The following PCP4L1 variants were observed in gnomAD, a reference collection of about 807,000 sequenced individuals.
PCP4L1 encodes Purkinje cell protein 4-like protein 1.
In PCP4L1, 9 loss-of-function variants were observed where a neutral mutation model predicts 9.6. That is an observed-to-expected ratio of 0.94 (90% CI 0.57 to 1.64). PCP4L1 has a LOEUF of 1.64. PCP4L1 is among the 40% of genes most tolerant of loss of function. The pLI is 0.00. For synonymous variants in PCP4L1, 31 were observed against 28.2 expected, an observed-to-expected ratio of 1.10 and a Z score of -0.31; for missense variants, 81 against 80.8, an observed-to-expected ratio of 1.00 and a Z score of -0.01.
intron 1 of PCP4L1, among the ~76,000 whole-genome samples, chr1:161,263,899 C>CT (rs1160429112): frequency 0.013 from 923 of 70,788 alleles, 85 homozygotes; most frequent in Non-Finnish European, 0.015. Flanking sequence ...ACTTTCTTTC[C>CT]TTTTTTTTTT....
chr1:161,259,204 G>C (rs971317454), intron 1 of PCP4L1, among the ~76,000 whole-genome samples: 4 of 152,140 alleles, frequency 2.6e-5, no homozygotes, highest in African/African-American at 7.2e-5. Context: ...GGCGCTTTTG[G>C]GGGTAATTGG....
At chr1:161,266,076 G>T (rs1669525182) in intron 1 of PCP4L1, among the ~76,000 whole-genome samples, 1 of 152,008 alleles carries the variant, frequency 6.6e-6, no homozygotes, top group South Asian at 2.1e-4. Context: ...ATCCCTGAAA[G>T]GTGCCCATAA....
At chr1:161,273,107 G>A (rs1217030786) in intron 1 of PCP4L1, among the ~76,000 whole-genome samples, 1 of 152,160 alleles carries the variant, frequency 6.6e-6, no homozygotes, top group Non-Finnish European at 1.5e-5. Context: ...AGCTGCAGAG[G>A]AAACAAAAGA....
chr1:161,265,075 C>T (rs1669507001), intron 1 of PCP4L1, among the ~76,000 whole-genome samples: 1 of 152,126 alleles, frequency 6.6e-6, no homozygotes, highest in Admixed American at 6.5e-5. Flanking sequence ...GCCCTCTTTT[C>T]ATGAGTTCTT....
chr1:161,277,927 C>T (rs1230173247), intron 1 of PCP4L1, among the ~76,000 whole-genome samples: 2 of 152,236 alleles, frequency 1.3e-5, no homozygotes, highest in Non-Finnish European at 2.9e-5. Flanking sequence ...ACGTCTGCCA[C>T]CTTTCCTGCA....
chr1:161,279,023 T>C (rs999704915), intron 1 of PCP4L1, among the ~76,000 whole-genome samples: 3 of 152,154 alleles, frequency 2.0e-5, no homozygotes, highest in African/African-American at 7.2e-5. Context: ...ACTCAAGCAA[T>C]CCGCCCACCT....
chr1:161,282,048 G>T (rs1669826671), intron 1 of PCP4L1, among the ~76,000 whole-genome samples: 1 of 152,194 alleles, frequency 6.6e-6, no homozygotes, highest in Non-Finnish European at 1.5e-5. Flanking sequence ...CTGGGAGATG[G>T]AGGTTGTAGC....
At chr1:161,262,911 A>T (rs1183503022) in intron 1 of PCP4L1, among the ~76,000 whole-genome samples, 2 of 152,200 alleles carry the variant, frequency 1.3e-5, no homozygotes, top group Non-Finnish European at 2.9e-5. Context: ...TCATGAGTCT[A>T]TTTTATCATA....
At chr1:161,270,650 G>A (rs1669609333) in intron 1 of PCP4L1, among the ~76,000 whole-genome samples, 1 of 151,514 alleles carries the variant, frequency 6.6e-6, no homozygotes, top group Admixed American at 6.6e-5. Context: ...TAGGCGGGAG[G>A]ATCACAAGGT....
chr1:161,264,466 G>A (rs1019714425), intron 1 of PCP4L1, among the ~76,000 whole-genome samples: 14 of 152,010 alleles, frequency 9.2e-5, no homozygotes, highest in Non-Finnish European at 1.6e-4. Flanking sequence ...GCAGTGAGCC[G>A]AGATAGCACC....
chr1:161,261,436 G>A (rs993339019), intron 1 of PCP4L1, among the ~76,000 whole-genome samples: 6 of 152,170 alleles, frequency 3.9e-5, no homozygotes, highest in African/African-American at 1.4e-4. Flanking sequence ...GTGCACGAAG[G>A]AGCTGCAGGG....
intron 1 of PCP4L1, among the ~76,000 whole-genome samples, chr1:161,281,939 ACGATGGGCGGC>A (rs1320845206): frequency 6.6e-5 from 10 of 151,558 alleles, no homozygotes; most frequent in African/African-American, 2.4e-4. Context: ...CACATCCCAG[ACGATGGGCGGC>A]CAGGCAGAGA....
intron 1 of PCP4L1, among the ~76,000 whole-genome samples, chr1:161,276,836 AC>A (rs1037006288): frequency 3.9e-5 from 6 of 152,078 alleles, no homozygotes; most frequent in Admixed American, 6.6e-5. Flanking sequence ...TAAAGTTATA[AC>A]TGAGTTTGAA....
Position 161,258,945 on chromosome 1 carries a change from G to A in PCP4L1, c.-30G>A, listed in dbSNP as rs754789167. 3 of 1,534,770 alleles carry A rather than the reference G, an allele frequency of 2.0e-6. No homozygotes were observed. Among genetic ancestry groups the A allele is most frequent in the Non-Finnish European group, 1.7e-6 (2 of 1,146,148 alleles). On this transcript the variant is annotated 5_prime_UTR_variant, in exon 1 of 3. Transcript: ENST00000504449. ...GCCACTCGCCTCACCTGTGCGTGCAGCGCCTCGCGCGCCCTGTCCGGCTGC... is the reference window on the plus strand; with the variant it reads ...GCCACTCGCCTCACCTGTGCGTGCAACGCCTCGCGCGCCCTGTCCGGCTGC...
intron 1 of PCP4L1, among the ~76,000 whole-genome samples, chr1:161,269,261 G>T (rs150552849): frequency 6.6e-5 from 10 of 152,050 alleles, no homozygotes; most frequent in African/African-American, 1.9e-4. Flanking sequence ...GTGGGGAAGG[G>T]GGGGTAAGAC....
intron 1 of PCP4L1, among the ~76,000 whole-genome samples, chr1:161,263,300 G>A (rs1558141481): frequency 1.3e-5 from 2 of 152,100 alleles, no homozygotes; most frequent in Admixed American, 1.3e-4. Context: ...GTGCAATGGT[G>A]AATCTCGGCT....
intron 1 of PCP4L1, among the ~76,000 whole-genome samples, chr1:161,268,681 C>T (rs1411346118): frequency 6.6e-6 from 1 of 150,768 alleles, no homozygotes; most frequent in Admixed American, 6.7e-5. Context: ...TCCCAGATAG[C>T]TGGGATTACA....
intron 1 of PCP4L1, among the ~76,000 whole-genome samples, chr1:161,265,360 G>A (rs148441136): frequency 1.1e-3 from 162 of 152,156 alleles, no homozygotes; most frequent in African/African-American, 3.5e-3. Context: ...GCAAGACCCC[G>A]TCTTTACAAA....
At chr1:161,268,650 A>G (rs1016028953) in intron 1 of PCP4L1, among the ~76,000 whole-genome samples, 10 of 145,930 alleles carry the variant, frequency 6.9e-5, no homozygotes, top group Admixed American at 2.2e-4. Flanking sequence ...CCCAGGTTCA[A>G]GTGATTCTCC....
Sources: allele counts gnomAD v4.1 joint callset (sites outside exome capture counted in the v4.1 genomes callset), GRCh38; gene constraint gnomAD v4.1.1; transcripts MANE v1.5; gene names NCBI Gene and HGNC (gene_info 2026-07-23, HGNC 2026-07-21).